FAM241A: variants seen among roughly 807,000 people sequenced by gnomAD.
FAM241A encodes the protein uncharacterized protein FAM241A.
Under a neutral mutation model 12.2 loss-of-function variants are expected in FAM241A, and 7 were observed. The ratio of observed to expected loss-of-function variants is 0.58; its 90% confidence interval spans 0.33 to 1.08. FAM241A has a LOEUF of 1.08. FAM241A is among the 50% of genes least tolerant of loss of function. The pLI, the probability that FAM241A is intolerant of heterozygous loss-of-function variation, is 0.04. For synonymous variants in FAM241A, 74 were observed against 68.2 expected (o/e 1.08, Z -0.42); for missense variants, 161 against 169.7 (o/e 0.95, Z 0.29).
At chr4:112,173,849 C>T (rs1328964416) in intron 1 of FAM241A, among the ~76,000 whole-genome samples, 4 of 152,170 alleles carry the variant, frequency 2.6e-5, no homozygotes, top group African/African-American at 9.7e-5. Flanking sequence ...CAAGGTAGGG[C>T]TTCCAGAACA....
chr4:112,158,902 C>CAT (rs963451988), intron 1 of FAM241A, among the ~76,000 whole-genome samples: 4 of 152,056 alleles, frequency 2.6e-5, no homozygotes, highest in African/African-American at 9.7e-5. Flanking sequence ...TAACTGCAGT[C>CAT]ACTAACTGTG....
chr4:112,180,805 G>C (rs1388298064), intron 1 of FAM241A, among the ~76,000 whole-genome samples: 1 of 152,168 alleles, frequency 6.6e-6, no homozygotes, highest in Non-Finnish European at 1.5e-5. Flanking sequence ...AGATTCTCTT[G>C]AGCCTCTAGG....
At chr4:112,155,033 C>T (rs1029775242) in intron 1 of FAM241A, among the ~76,000 whole-genome samples, 4 of 151,714 alleles carry the variant, frequency 2.6e-5, no homozygotes, top group Admixed American at 1.3e-4. Context: ...ACTCCGTCTG[C>T]GCCCACCACC....
intron 1 of FAM241A, among the ~76,000 whole-genome samples, chr4:112,183,713 A>G (rs1256893320): frequency 1.3e-5 from 2 of 152,064 alleles, no homozygotes; most frequent in Non-Finnish European, 2.9e-5. Flanking sequence ...TTTTTTTAAG[A>G]ACTTTAATAA....
At chr4:112,161,259 A>T (rs977151975) in intron 1 of FAM241A, among the ~76,000 whole-genome samples, 8 of 152,334 alleles carry the variant, frequency 5.3e-5, no homozygotes, top group African/African-American at 1.7e-4. Flanking sequence ...GAACTAGAGA[A>T]GCAAGAGCAA....
Position 112,145,729 on chromosome 4 carries a change from A to G in FAM241A, c.149A>G (p.Glu50Gly). Residue 50 changes from glutamate (E) to glycine (G), a missense_variant, in exon 1 of 2, where the codon GAG becomes GGG. Glu to Gly is a moderately conservative substitution (Grantham distance 98). Coordinates refer to ENST00000309733, the MANE Select transcript of FAM241A (RefSeq NM_152400.3). ...CGCGGACAGCGGCCGAAGGAGAGCG[A>G]GCAGGTGAGCGCGGGGAGGGGCGGC... ...RRRGQRPKESEQDVEDSQNHT... is the reference protein window; with the variant it reads ...RRRGQRPKESGQDVEDSQNHT... The G allele has an allele frequency of 1.7e-6, 2 of 1,171,724 alleles. No homozygotes were observed. Among genetic ancestry groups the G allele is most frequent in the Non-Finnish European group, 2.1e-6 (2 of 950,508 alleles). 72.6% of individuals were successfully genotyped at this position (1,171,724 alleles called of 1,614,324 possible). A position where few individuals can be genotyped will look rare whatever the true frequency, so the allele number is the denominator to read the frequency against.
chr4:112,161,415 A>G (rs1169758963), intron 1 of FAM241A, among the ~76,000 whole-genome samples: 1 of 152,162 alleles, frequency 6.6e-6, no homozygotes, highest in Non-Finnish European at 1.5e-5. Flanking sequence ...GACTGCTAGC[A>G]AGACCAATAA....
rs1463778164 is a variant in FAM241A, at chr4:112,193,823, C to T, written c.*6885C>T. ...TTCTTTTGGCTTAGGATTGACTTGG[C>T]GATGCGGGCTCTTTTTTGGTTCCAT... On this transcript the variant is annotated 3_prime_UTR_variant, in exon 2 of 2. Transcript: ENST00000309733. The T allele has an allele frequency of 2.1e-4, 32 of 150,634 alleles. No homozygotes were observed. Among genetic ancestry groups the T allele is most frequent in the African/African-American group, 5.9e-4 (24 of 40,804 alleles). The allele number at this position is 150,634 out of a possible 1,614,324, so 9.3% of individuals were successfully genotyped here.
chr4:112,186,621 C>T, intron 1 of FAM241A, 72 bp from the exon 2 acceptor site: 1 of 1,414,208 alleles, frequency 7.1e-7, no homozygotes, highest in Admixed American at 2.2e-5. Flanking sequence ...AGATGAAGAA[C>T]TAAGGTTCTT....
At chr4:112,175,170 C>T (rs761541580) in intron 1 of FAM241A, among the ~76,000 whole-genome samples, 2 of 152,000 alleles carry the variant, frequency 1.3e-5, no homozygotes, top group East Asian at 1.9e-4. Flanking sequence ...TATTGGCTTA[C>T]GTTATGAAAA....
intron 1 of FAM241A, among the ~76,000 whole-genome samples, chr4:112,156,437 T>G (rs1352784217): frequency 3.9e-5 from 6 of 152,208 alleles, no homozygotes; most frequent in African/African-American, 1.4e-4. Context: ...TCCTTGTTAA[T>G]ATGTTTATTC....
In FAM241A at chr4:112,169,425, C is replaced by T. The variant is rs553337057; in HGVS notation, c.154-17268C>T. 9.9e-5 allele frequency among the ~76,000 whole-genome samples: 15 copies of T among 152,154 alleles called. No homozygotes were observed. In the South Asian group the frequency reaches 2.7e-3, roughly 27 times the overall value. On this transcript the variant is annotated intron_variant, in intron 1 of 1. Transcript: ENST00000309733. ...AGTATAAAATCTATTTTTATACTTG[C>T]GTGCATGAATAAGAGGATTTGGGAT...
At chr4:112,162,721 A>C (rs951602789) in intron 1 of FAM241A, among the ~76,000 whole-genome samples, 2 of 152,224 alleles carry the variant, frequency 1.3e-5, no homozygotes, top group Non-Finnish European at 2.9e-5. Flanking sequence ...TATCATGAAA[A>C]TGGCCATACT....
Position 112,192,090 on chromosome 4 carries a change from A to G in FAM241A, c.*5152A>G, listed in dbSNP as rs1378750379. The G allele has an allele frequency of 6.6e-6, 1 of 152,172 alleles. No individual in the cohort carries two copies. Among genetic ancestry groups the G allele is most frequent in the Admixed American group, 6.5e-5 (1 of 15,282 alleles). 9.4% of individuals were successfully genotyped at this position (152,172 alleles called of 1,614,324 possible). ...GTGCACAAAGAGCATGGGTTGATGT[A>G]TACATTATAATTTATAAAGCTATTC... On this transcript the variant is annotated 3_prime_UTR_variant, in exon 2 of 2. Transcript: ENST00000309733.
At chr4:112,176,182 G>T (rs184437762) in intron 1 of FAM241A, among the ~76,000 whole-genome samples, 1 of 151,884 alleles carries the variant, frequency 6.6e-6, no homozygotes, top group African/African-American at 2.4e-5. Flanking sequence ...TTAAATTGTC[G>T]TAACACTTGA....
intron 1 of FAM241A, among the ~76,000 whole-genome samples, chr4:112,179,973 CACATATATT>C (rs1723900882): frequency 7.6e-6 from 1 of 131,560 alleles, no homozygotes; most frequent in Non-Finnish European, 1.6e-5. Flanking sequence ...ATATATATAT[CACATATATT>C]ACATAATGTA....
chr4:112,183,453 T>C (rs1474373674), intron 1 of FAM241A, among the ~76,000 whole-genome samples: 1 of 152,070 alleles, frequency 6.6e-6, no homozygotes, highest in Admixed American at 6.5e-5. Flanking sequence ...CTCTCTGTTT[T>C]GATTTAAGTG....
rs1724162964 is a variant in FAM241A, at chr4:112,191,464, A to G, written c.*4526A>G. ...GTTATGATAAAGTCCTTATGCCTTA[A>G]TATGTTTTACAAGGCTCTTCATGTA... is the stretch of plus-strand genomic sequence containing the variant. On this transcript the variant is annotated 3_prime_UTR_variant, in exon 2 of 2. Coordinates refer to ENST00000309733, the MANE Select transcript of FAM241A (RefSeq NM_152400.3). 6.6e-6 allele frequency: 1 copy of G among 152,356 alleles called. No homozygotes were observed. The highest frequency in any genetic ancestry group is 1.5e-5 in the Non-Finnish European group (1 of 68,042). 9.4% of individuals were successfully genotyped at this position (152,356 alleles called of 1,614,324 possible).
At chr4:112,165,891 A>C (rs1169964484) in intron 1 of FAM241A, among the ~76,000 whole-genome samples, 1 of 152,214 alleles carries the variant, frequency 6.6e-6, no homozygotes, top group Non-Finnish European at 1.5e-5. Flanking sequence ...GTACATTTAA[A>C]AATAACTAAA....
Sources: allele counts gnomAD v4.1 joint callset (sites outside exome capture counted in the v4.1 genomes callset), GRCh38; gene constraint gnomAD v4.1.1; transcripts MANE v1.5; gene names NCBI Gene and HGNC (gene_info 2026-07-23, HGNC 2026-07-21).